Variants in PAN3 observed in about 807,000 individuals in gnomAD.
PAN3 encodes PAN2-PAN3 deadenylation complex subunit PAN3.
In PAN3, 19 loss-of-function variants were observed where a neutral mutation model predicts 96.2. That is an observed-to-expected ratio of 0.20 (90% CI 0.14 to 0.29). PAN3 has a LOEUF of 0.29. Among genes scored for constraint, PAN3 ranks in the 10% least tolerant of loss-of-function variants. The pLI, the probability that PAN3 is intolerant of heterozygous loss-of-function variation, is 1.00. For missense variants in PAN3, 882 were observed against 1,108.1 expected, an observed-to-expected ratio of 0.80 and a Z score of 2.90; for synonymous variants, 433 against 406.6, an observed-to-expected ratio of 1.06 and a Z score of -0.78.
chr13:28,187,803 C>T (rs1289757047), intron 4 of PAN3, among the ~76,000 whole-genome samples: 1 of 152,138 alleles, frequency 6.6e-6, no homozygotes, highest in Non-Finnish European at 1.5e-5. Flanking sequence ...AGTGATCCTC[C>T]TGTCTCATCT....
chr13:28,206,781 A>T (rs1233575589), intron 5 of PAN3, among the ~76,000 whole-genome samples: 1 of 149,830 alleles, frequency 6.7e-6, no homozygotes, highest in African/African-American at 2.5e-5. Flanking sequence ...TACTGCCCTC[A>T]AGAACTCTGC....
chr13:28,224,106 C>T (rs1246084965), intron 6 of PAN3, among the ~76,000 whole-genome samples: 4 of 151,984 alleles, frequency 2.6e-5, no homozygotes, highest in Admixed American at 6.6e-5. Context: ...CTCCTGACTT[C>T]GTGGTCTGCC....
rs780457533 is a variant in PAN3, at chr13:28,280,546, A to C, written c.2319+5A>C. ...ATAGAGGAAGACCTTGCAAAGGTAA[A>C]GAGTGTAAATTTTTTTTTTTTTTTT... is the stretch of plus-strand genomic sequence containing the variant. On this transcript the variant is annotated splice_donor_5th_base_variant and intron_variant, in intron 16 of 18. Transcript: ENST00000380958. 1 of 1,541,488 alleles carries C rather than the reference A, an allele frequency of 6.5e-7. No homozygotes were observed. Among genetic ancestry groups the C allele is most frequent in the African/African-American group, 1.4e-5 (1 of 69,900 alleles).
At chr13:28,286,118 T>C (rs1426455739) in intron 17 of PAN3, among the ~76,000 whole-genome samples, 2 of 152,230 alleles carry the variant, frequency 1.3e-5, no homozygotes, top group Admixed American at 6.5e-5. Context: ...GATGTTGTTA[T>C]ACATGATTTT....
At chr13:28,210,397 T>G (rs1340963681) in intron 5 of PAN3, among the ~76,000 whole-genome samples, 1 of 152,050 alleles carries the variant, frequency 6.6e-6, no homozygotes, top group African/African-American at 2.4e-5. Context: ...GGAGAACTTT[T>G]ATTTAGAAGA....
At chr13:28,286,352 T>A (rs1868969512) in intron 17 of PAN3, among the ~76,000 whole-genome samples, 1 of 152,208 alleles carries the variant, frequency 6.6e-6, no homozygotes. Context: ...CTTCTCTCTT[T>A]CACCCTTTTT....
intron 1 of PAN3, among the ~76,000 whole-genome samples, chr13:28,164,355 A>G (rs562265563): frequency 6.6e-6 from 1 of 152,346 alleles, no homozygotes; most frequent in Admixed American, 6.5e-5. Flanking sequence ...CCAAGACTCA[A>G]ACTCAGCACC....
intron 5 of PAN3, among the ~76,000 whole-genome samples, chr13:28,205,861 TAAAAAAA>T (rs369273234): frequency 7.5e-6 from 1 of 133,156 alleles, no homozygotes; most frequent in African/African-American, 2.8e-5. Context: ...AACTGTTTCT[TAAAAAAA>T]AAAAAAAAAG....
At chr13:28,287,888 G>T in intron 17 of PAN3, 96 bp from the exon 18 acceptor site, 2 of 1,258,692 alleles carry the variant, frequency 1.6e-6, no homozygotes, top group South Asian at 1.8e-5. Flanking sequence ...TTTGTTTATT[G>T]GGAAAAAGTA....
intron 6 of PAN3, chr13:28,239,487 T>C: frequency 1.7e-6 from 1 of 593,864 alleles, no homozygotes; most frequent in South Asian, 1.9e-5. Flanking sequence ...TGAACTATTT[T>C]TTTGGACCCA....
intron 18 of PAN3, among the ~76,000 whole-genome samples, chr13:28,291,812 C>G (rs796877151): frequency 6.6e-6 from 1 of 151,994 alleles, no homozygotes; most frequent in East Asian, 1.9e-4. Context: ...CCCTGGGCAA[C>G]GAGCGAAACT....
intron 5 of PAN3, among the ~76,000 whole-genome samples, chr13:28,210,930 G>A (rs539086663): frequency 2.0e-5 from 3 of 151,986 alleles, no homozygotes; most frequent in South Asian, 2.1e-4. Context: ...TTTGAGACAG[G>A]GTCTTGCTCT....
chr13:28,205,676 C>T (rs1229499366), intron 5 of PAN3, among the ~76,000 whole-genome samples: 1 of 151,530 alleles, frequency 6.6e-6, no homozygotes, highest in African/African-American at 2.4e-5. Context: ...CCTGTCTCTA[C>T]AAAAGAAAAA....
intron 6 of PAN3, among the ~76,000 whole-genome samples, chr13:28,240,730 C>T (rs1013578261): frequency 1.3e-5 from 2 of 152,092 alleles, no homozygotes; most frequent in African/African-American, 4.8e-5. Context: ...CATTTTTTGC[C>T]AGATTTGATT....
chr13:28,176,022 T>A (rs1566159979), intron 2 of PAN3, among the ~76,000 whole-genome samples: 1 of 152,190 alleles, frequency 6.6e-6, no homozygotes, highest in Non-Finnish European at 1.5e-5. Context: ...ATACAGGCTA[T>A]GGAGTGAGTC....
At chr13:28,291,941 TTTTTTTAAAA>T (rs1869805496) in intron 18 of PAN3, among the ~76,000 whole-genome samples, 1 of 152,144 alleles carries the variant, frequency 6.6e-6, no homozygotes, top group Non-Finnish European at 1.5e-5. Context: ...CTTTTTTGTG[TTTTTTTAAAA>T]TTTTTTAAAA....
chr13:28,214,103 T>TA (rs974145708), intron 5 of PAN3, among the ~76,000 whole-genome samples: 1 of 151,876 alleles, frequency 6.6e-6, no homozygotes, highest in African/African-American at 2.4e-5. Context: ...GAAAAAAAAA[T>TA]AAAAAATCAC....
intron 3 of PAN3, 126 bp downstream of exon 3, chr13:28,176,685 A>T: frequency 2.2e-6 from 2 of 911,740 alleles, no homozygotes; most frequent in Non-Finnish European, 3.4e-6. Flanking sequence ...AAAAATTATT[A>T]TCTTCCCACT....
At chr13:28,189,545 A>G (rs956011501) in intron 4 of PAN3, among the ~76,000 whole-genome samples, 22 of 151,942 alleles carry the variant, frequency 1.4e-4, no homozygotes, top group Non-Finnish European at 2.6e-4. Context: ...AAAACAAAAA[A>G]ACTCTCAGTG....
Sources: allele counts gnomAD v4.1 joint callset (sites outside exome capture counted in the v4.1 genomes callset), GRCh38; gene constraint gnomAD v4.1.1; transcripts MANE v1.5; gene names NCBI Gene and HGNC (gene_info 2026-07-23, HGNC 2026-07-21).